Variants in ME1 observed in about 807,000 individuals in gnomAD.
ME1 encodes the protein NADP-dependent malic enzyme.
A neutral mutation model predicts 66.4 loss-of-function variants in ME1; 74 were observed. The observed-to-expected ratio is 1.11, with a 90% CI of 0.92 to 1.35. The LOEUF (loss-of-function observed/expected upper bound fraction) is 1.35. ME1 is among the 40% of genes most tolerant of loss of function. The pLI is 0.00. For synonymous variants in ME1, 251 were observed against 235.6 expected (o/e 1.07, Z -0.60); for missense variants, 750 against 694.1 (o/e 1.08, Z -0.90).
At chr6:83,303,901 C>T (rs552224552) in intron 6 of ME1, among the ~76,000 whole-genome samples, 3 of 152,142 alleles carry the variant, frequency 2.0e-5, no homozygotes, top group South Asian at 4.1e-4. Context: ...TGTGCAAGTA[C>T]TTTTATATAC....
chr6:83,292,839 C>A (rs1245424792), intron 6 of ME1, among the ~76,000 whole-genome samples: 1 of 152,192 alleles, frequency 6.6e-6, no homozygotes, highest in Non-Finnish European at 1.5e-5. Flanking sequence ...CCTACTCAAG[C>A]CTCAGCAATG....
At chr6:83,307,717 G>A (rs1232425678) in intron 6 of ME1, among the ~76,000 whole-genome samples, 1 of 152,082 alleles carries the variant, frequency 6.6e-6, no homozygotes, top group Non-Finnish European at 1.5e-5. Context: ...AAGAAATGGA[G>A]AAAGAAGGAG....
intron 7 of ME1, among the ~76,000 whole-genome samples, chr6:83,243,289 T>G: frequency 7.0e-6 from 1 of 143,058 alleles, no homozygotes; most frequent in Non-Finnish European, 1.5e-5. Flanking sequence ...ATATATATAT[T>G]TAATTATATA....
chr6:83,286,374 G>A (rs918763451), intron 6 of ME1, among the ~76,000 whole-genome samples: 1 of 152,126 alleles, frequency 6.6e-6, no homozygotes, highest in Non-Finnish European at 1.5e-5. Flanking sequence ...TGGGTATTTT[G>A]ATGTGTCATA....
At chr6:83,421,592 T>C (rs1770270199) in intron 1 of ME1, among the ~76,000 whole-genome samples, 1 of 152,184 alleles carries the variant, frequency 6.6e-6, no homozygotes, top group Admixed American at 6.5e-5. Context: ...TCCTCCAATA[T>C]GGCCTGGCTT....
At chr6:83,358,549 T>G (rs1768944068) in intron 3 of ME1, among the ~76,000 whole-genome samples, 1 of 152,194 alleles carries the variant, frequency 6.6e-6, no homozygotes, top group Non-Finnish European at 1.5e-5. Context: ...GTGGCTGACC[T>G]GCAATGAAAG....
chr6:83,322,144 C>G (rs754086894), intron 5 of ME1, among the ~76,000 whole-genome samples: 4 of 152,118 alleles, frequency 2.6e-5, no homozygotes, highest in Non-Finnish European at 1.5e-5. Flanking sequence ...AAACCCCACG[C>G]GAAGGTCACC....
chr6:83,278,206 C>G (rs1267497288), intron 6 of ME1, among the ~76,000 whole-genome samples: 1 of 152,042 alleles, frequency 6.6e-6, no homozygotes, highest in Non-Finnish European at 1.5e-5. Context: ...AACCGTGCAG[C>G]AAGAGCCAGT....
intron 5 of ME1, among the ~76,000 whole-genome samples, chr6:83,320,512 C>T (rs753343447): frequency 3.3e-5 from 5 of 152,134 alleles, no homozygotes; most frequent in East Asian, 1.9e-4. Flanking sequence ...AATCAAGTGC[C>T]GCTGTAAACT....
chr6:83,317,093 T>C (rs1768049888), intron 5 of ME1, among the ~76,000 whole-genome samples: 1 of 152,154 alleles, frequency 6.6e-6, no homozygotes, highest in Non-Finnish European at 1.5e-5. Flanking sequence ...TAATAAAGTC[T>C]AAAACAGAGA....
At chr6:83,329,430 A>G (rs1768363687) in intron 5 of ME1, among the ~76,000 whole-genome samples, 1 of 152,188 alleles carries the variant, frequency 6.6e-6, no homozygotes, top group Non-Finnish European at 1.5e-5. Flanking sequence ...CTGCTCTCCT[A>G]GAATGTATGA....
At chr6:83,343,726 G>A (rs1429943359) in intron 5 of ME1, among the ~76,000 whole-genome samples, 1 of 152,124 alleles carries the variant, frequency 6.6e-6, no homozygotes, top group Admixed American at 6.6e-5. Flanking sequence ...ATACTGGATA[G>A]AAATGTAATA....
chr6:83,327,600 C>T (rs1203651378), intron 5 of ME1, among the ~76,000 whole-genome samples: 1 of 152,176 alleles, frequency 6.6e-6, no homozygotes, highest in African/African-American at 2.4e-5. Flanking sequence ...TCTCAAAACC[C>T]TGTCTCCTGA....
At chr6:83,359,900 G>A (rs940149766) in intron 3 of ME1, among the ~76,000 whole-genome samples, 1 of 152,144 alleles carries the variant, frequency 6.6e-6, no homozygotes, top group African/African-American at 2.4e-5. Context: ...GAGGTGGCAG[G>A]GGCCAAGTGG....
At chr6:83,223,995 T>G in intron 11 of ME1, 62 bp from the exon 12 acceptor site, 2 of 1,463,746 alleles carry the variant, frequency 1.4e-6, no homozygotes, top group Non-Finnish European at 1.9e-6. Context: ...AACAAATGTA[T>G]CATAACAGAA....
At chr6:83,351,713 T>C (rs1162250384) in intron 4 of ME1, among the ~76,000 whole-genome samples, 1 of 152,192 alleles carries the variant, frequency 6.6e-6, no homozygotes, top group Non-Finnish European at 1.5e-5. Context: ...TTAACAGACT[T>C]TTTTTCTTGC....
chr6:83,386,540 A>C (rs1769506081), intron 3 of ME1, among the ~76,000 whole-genome samples: 1 of 151,902 alleles, frequency 6.6e-6, no homozygotes, highest in South Asian at 2.1e-4. Flanking sequence ...CCATGAAAAA[A>C]GGCTAGCTCC....
Position 83,283,089 on chromosome 6 carries a change from G to A in ME1, c.705-29351C>T, listed in dbSNP as rs562108536. The stretch of plus-strand genomic sequence containing the variant: ...TAAAAATACAAAAAATTAGCCGGGC[G>A]TGGTAGCGGGCGCCTGTAGTCCCAG... On this transcript the variant is annotated intron_variant, in intron 6 of 13. Coordinates refer to ENST00000369705, the MANE Select transcript of ME1 (RefSeq NM_002395.6). 4.2e-3 allele frequency among the ~76,000 whole-genome samples: 635 copies of A among 149,774 alleles called. 5 individuals carry two copies. Among genetic ancestry groups the A allele is most frequent in the African/African-American group, 0.015 (589 of 40,504 alleles).
intron 1 of ME1, among the ~76,000 whole-genome samples, chr6:83,416,190 A>G (rs1770156349): frequency 6.6e-6 from 1 of 152,216 alleles, no homozygotes; most frequent in South Asian, 2.1e-4. Context: ...AGTACATGTT[A>G]TGTGTGTTTC....
Sources: gnomAD v4.1 joint callset for allele counts (sites outside exome capture counted in the v4.1 genomes callset) on GRCh38, gnomAD v4.1.1 for gene constraint, MANE v1.5 for transcripts, NCBI Gene and HGNC (gene_info 2026-07-23, HGNC 2026-07-21) for gene names.